SRBD1: variants seen among roughly 807,000 people sequenced by gnomAD.
SRBD1 encodes S1 RNA-binding domain-containing protein 1.
In SRBD1, 88 loss-of-function variants were observed where a neutral mutation model predicts 115.3. The observed-to-expected ratio is 0.76, with a 90% CI of 0.64 to 0.91. The LOEUF is 0.91. SRBD1 is among the 40% of genes least tolerant of loss of function. The probability of loss-of-function intolerance (pLI) is 0.00; values close to 1 mark genes in which losing one functional copy is unlikely to be tolerated. For missense variants in SRBD1, 1,385 were observed against 1,177.4 expected, an observed-to-expected ratio of 1.18 and a Z score of -2.58; for synonymous variants, 509 against 407.7, an observed-to-expected ratio of 1.25 and a Z score of -2.99.
intron 19 of SRBD1, among the ~76,000 whole-genome samples, chr2:45,395,449 G>T (rs1667117900): frequency 6.6e-6 from 1 of 152,124 alleles, no homozygotes; most frequent in Admixed American, 6.5e-5. Flanking sequence ...TGCCTATAGT[G>T]GTTGCAGATG....
chr2:45,589,552 C>T (rs1477015256), intron 4 of SRBD1, among the ~76,000 whole-genome samples: 1 of 152,192 alleles, frequency 6.6e-6, no homozygotes, highest in Non-Finnish European at 1.5e-5. Flanking sequence ...CACTACCCAA[C>T]AGCTCAGTTA....
chr2:45,402,776 G>A (rs555706636), intron 19 of SRBD1, among the ~76,000 whole-genome samples: 4 of 152,252 alleles, frequency 2.6e-5, no homozygotes, highest in South Asian at 2.1e-4. Flanking sequence ...CTCTGGGAGA[G>A]TGCCAGGTCT....
intron 14 of SRBD1, among the ~76,000 whole-genome samples, chr2:45,499,918 T>G (rs116667373): frequency 0.023 from 3,532 of 152,276 alleles, 66 homozygotes; most frequent in Non-Finnish European, 0.035. Flanking sequence ...TACTTTGAAA[T>G]CAGGTAGTGT....
At chr2:45,428,068 C>G (rs921536603) in intron 16 of SRBD1, among the ~76,000 whole-genome samples, 44 of 152,174 alleles carry the variant, frequency 2.9e-4, no homozygotes, top group African/African-American at 1.0e-3. Flanking sequence ...CACCACATCG[C>G]ACTTATTCTA....
chr2:45,443,646 T>C (rs1668735909), intron 16 of SRBD1, among the ~76,000 whole-genome samples: 1 of 151,958 alleles, frequency 6.6e-6, no homozygotes, highest in South Asian at 2.1e-4. Context: ...ACTGTAAACA[T>C]CTAAAACTTT....
At chr2:45,560,244 T>G (rs1672619086) in intron 10 of SRBD1, among the ~76,000 whole-genome samples, 1 of 152,038 alleles carries the variant, frequency 6.6e-6, no homozygotes, top group Non-Finnish European at 1.5e-5. Context: ...CATGGAAAAA[T>G]AAATCACTGT....
intron 16 of SRBD1, among the ~76,000 whole-genome samples, chr2:45,442,613 T>G (rs890207638): frequency 3.3e-5 from 5 of 152,232 alleles, no homozygotes; most frequent in African/African-American, 2.4e-5. Context: ...AACCAAATGT[T>G]GGTCCTTAAA....
intron 14 of SRBD1, among the ~76,000 whole-genome samples, chr2:45,531,328 G>C (rs992320376): frequency 4.0e-5 from 6 of 151,672 alleles, no homozygotes; most frequent in Non-Finnish European, 7.4e-5. Context: ...AATGTCAAGA[G>C]AATATATGAC....
intron 6 of SRBD1, among the ~76,000 whole-genome samples, chr2:45,580,649 G>A (rs1314518295): frequency 1.1e-4 from 15 of 136,174 alleles, no homozygotes; most frequent in African/African-American, 3.1e-4. Context: ...GTGAGCCACC[G>A]CACCTGGCCG....
chr2:45,555,849 G>C (rs1031545168), intron 10 of SRBD1, among the ~76,000 whole-genome samples: 1 of 152,026 alleles, frequency 6.6e-6, no homozygotes. Context: ...GTCTGTTACG[G>C]CACAGTGGGC....
chr2:45,532,973 G>A (rs1051848196), intron 14 of SRBD1, among the ~76,000 whole-genome samples: 1 of 152,038 alleles, frequency 6.6e-6, no homozygotes, highest in Non-Finnish European at 1.5e-5. Context: ...ACTAAAATCA[G>A]AGAGAGAACC....
intron 18 of SRBD1, among the ~76,000 whole-genome samples, chr2:45,417,221 C>T (rs1283345239): frequency 6.6e-6 from 1 of 152,078 alleles, no homozygotes; most frequent in East Asian, 1.9e-4. Context: ...CAGTTTTTTA[C>T]TTTTTTTGAC....
chr2:45,470,693 A>G (rs1669622362), intron 16 of SRBD1, among the ~76,000 whole-genome samples: 1 of 152,204 alleles, frequency 6.6e-6, no homozygotes, highest in Non-Finnish European at 1.5e-5. Flanking sequence ...AACTCAACAG[A>G]GCCAAACCTG....
rs561755688 is a variant in SRBD1, at chr2:45,407,623, T to C, written c.2513+5491A>G. On this transcript the variant is annotated intron_variant, in intron 19 of 20. Transcript: ENST00000263736. ...ATGAATAAAGTCATCACCAACAAAATTCAGAGTAATTATTAAAGTAAAGAA... is the reference window on the plus strand; with the variant it reads ...ATGAATAAAGTCATCACCAACAAAACTCAGAGTAATTATTAAAGTAAAGAA... Among the ~76,000 whole-genome samples the C allele has an allele frequency of 2.2e-3, 327 of 152,092 alleles. 3 individuals are homozygous for C. Among genetic ancestry groups the C allele is most frequent in the African/African-American group, 7.3e-3 (302 of 41,498 alleles).
At chr2:45,478,347 ACATAAGAT>A (rs1432622182) in intron 15 of SRBD1, among the ~76,000 whole-genome samples, 1 of 152,212 alleles carries the variant, frequency 6.6e-6, no homozygotes, top group Non-Finnish European at 1.5e-5. Flanking sequence ...CTCTAATCAG[ACATAAGAT>A]CTACTTATCT....
At chr2:45,403,456 T>G (rs192492923) in intron 19 of SRBD1, among the ~76,000 whole-genome samples, 3 of 152,300 alleles carry the variant, frequency 2.0e-5, no homozygotes, top group Non-Finnish European at 2.9e-5. Flanking sequence ...TATTAATTCC[T>G]ATCATTTATT....
intron 16 of SRBD1, among the ~76,000 whole-genome samples, chr2:45,429,985 T>TA (rs1668282087): frequency 6.6e-6 from 1 of 152,210 alleles, no homozygotes; most frequent in Non-Finnish European, 1.5e-5. Flanking sequence ...CAGGCACTCC[T>TA]ATACACCAAT....
intron 10 of SRBD1, among the ~76,000 whole-genome samples, chr2:45,554,111 T>G (rs1221319566): frequency 6.6e-6 from 1 of 152,148 alleles, no homozygotes; most frequent in Non-Finnish European, 1.5e-5. Context: ...ATGGGGCTTT[T>G]GGGGGATAAT....
intron 14 of SRBD1, among the ~76,000 whole-genome samples, chr2:45,500,491 C>T (rs764357821): frequency 4.0e-5 from 6 of 151,694 alleles, no homozygotes; most frequent in African/African-American, 9.7e-5. Context: ...GGCACAATCA[C>T]GGCTCACTAC....
Sources: allele counts gnomAD v4.1 joint callset (sites outside exome capture counted in the v4.1 genomes callset), GRCh38; gene constraint gnomAD v4.1.1; transcripts MANE v1.5; gene names NCBI Gene and HGNC (gene_info 2026-07-23, HGNC 2026-07-21).